Variants in AUTS2 observed in about 807,000 individuals in gnomAD.
AUTS2 encodes activator of transcription and developmental regulator AUTS2.
A neutral mutation model predicts 112.4 loss-of-function variants in AUTS2; 17 were observed. The ratio of observed to expected loss-of-function variants is 0.15; its 90% CI spans 0.10 to 0.23. The LOEUF (loss-of-function observed/expected upper bound fraction) is 0.23. AUTS2 is among the 10% of genes least tolerant of loss of function. The pLI, the probability that AUTS2 is intolerant of heterozygous loss-of-function variation, is 1.00. For synonymous variants in AUTS2, 751 were observed against 702.7 expected (o/e 1.07, Z -1.09); for missense variants, 1,510 against 1,701.6 (o/e 0.89, Z 1.98).
At chr7:70,252,013 G>T (rs922483506) in intron 4 of AUTS2, among the ~76,000 whole-genome samples, 1 of 151,666 alleles carries the variant, frequency 6.6e-6, no homozygotes, top group Admixed American at 6.6e-5. Context: ...AATAATTTAG[G>T]TTATATATTT....
intron 1 of AUTS2, among the ~76,000 whole-genome samples, chr7:69,661,650 A>G (rs1795802477): frequency 6.6e-6 from 1 of 152,202 alleles, no homozygotes; most frequent in African/African-American, 2.4e-5. Context: ...TTTTTAAAAA[A>G]ACGGACACTT....
chr7:70,514,186 C>CTAAA (rs1799320228), intron 5 of AUTS2, among the ~76,000 whole-genome samples: 1 of 152,132 alleles, frequency 6.6e-6, no homozygotes, highest in African/African-American at 2.4e-5. Flanking sequence ...ATTAATCCTC[C>CTAAA]TATTGGATAT....
At chr7:70,650,322 A>G (rs545973946) in intron 5 of AUTS2, among the ~76,000 whole-genome samples, 2 of 152,324 alleles carry the variant, frequency 1.3e-5, no homozygotes, top group South Asian at 4.2e-4. Context: ...AGCCTCCTGT[A>G]ACAGGGGAAG....
chr7:70,205,101 G>A (rs1476999970), intron 4 of AUTS2, among the ~76,000 whole-genome samples: 1 of 152,096 alleles, frequency 6.6e-6, no homozygotes, highest in Admixed American at 6.6e-5. Flanking sequence ...GGAGTGCAGT[G>A]GCATGATCAT....
intron 2 of AUTS2, among the ~76,000 whole-genome samples, chr7:70,082,816 T>C (rs1803386585): frequency 6.6e-6 from 1 of 152,226 alleles, no homozygotes; most frequent in Non-Finnish European, 1.5e-5. Flanking sequence ...TGACTTGGTC[T>C]TCTCTACTAA....
intron 2 of AUTS2, among the ~76,000 whole-genome samples, chr7:70,074,319 T>C (rs1802924133): frequency 1.3e-5 from 2 of 152,172 alleles, no homozygotes; most frequent in African/African-American, 4.8e-5. Context: ...TTCCTTCACT[T>C]TTCATTATAT....
chr7:70,404,960 C>T (rs962951511), intron 4 of AUTS2, among the ~76,000 whole-genome samples: 17 of 152,160 alleles, frequency 1.1e-4, no homozygotes, highest in Admixed American at 2.0e-4. Context: ...CTATAGATTA[C>T]GCTTGGAATC....
chr7:70,309,123 A>G (rs2129614951), intron 4 of AUTS2, among the ~76,000 whole-genome samples: 1 of 152,356 alleles, frequency 6.6e-6, no homozygotes, highest in South Asian at 2.1e-4. Flanking sequence ...TGCCCTGTAC[A>G]TACAAAGTGG....
intron 1 of AUTS2, among the ~76,000 whole-genome samples, chr7:69,837,274 T>C (rs1430628919): frequency 6.6e-6 from 1 of 152,182 alleles, no homozygotes; most frequent in Non-Finnish European, 1.5e-5. Context: ...ATGTAAGTTA[T>C]CCATGTCCCT....
chr7:69,819,464 A>G (rs1023394568), intron 1 of AUTS2, among the ~76,000 whole-genome samples: 3 of 152,138 alleles, frequency 2.0e-5, no homozygotes, highest in African/African-American at 4.8e-5. Context: ...GTCAACCTCT[A>G]TTGTCCTCCT....
intron 4 of AUTS2, among the ~76,000 whole-genome samples, chr7:70,146,224 G>T (rs1193042979): frequency 1.3e-5 from 2 of 151,840 alleles, no homozygotes; most frequent in Non-Finnish European, 2.9e-5. Flanking sequence ...TGTGACCCTC[G>T]TTCAATGTTC....
chr7:70,770,563 T>A (rs1028164574), intron 10 of AUTS2, among the ~76,000 whole-genome samples: 1 of 152,220 alleles, frequency 6.6e-6, no homozygotes, highest in African/African-American at 2.4e-5. Flanking sequence ...GGAGGGAAAG[T>A]TGTGTTTGCA....
chr7:70,784,755 A>C (rs966617196), intron 15 of AUTS2, 187 bp from the exon 16 acceptor site: 19 of 375,094 alleles, frequency 5.1e-5, no homozygotes, highest in African/African-American at 3.0e-4. Flanking sequence ...AAAAAAAAAA[A>C]AAAAAAAAAA....
At chr7:70,500,445 A>G (rs1798726415) in intron 5 of AUTS2, among the ~76,000 whole-genome samples, 2 of 152,224 alleles carry the variant, frequency 1.3e-5, no homozygotes, top group Admixed American at 1.3e-4. Context: ...GAATGTGGAA[A>G]GGAGAGGCAA....
intron 6 of AUTS2, among the ~76,000 whole-genome samples, chr7:70,716,777 G>A (rs13227868): frequency 0.22 from 32,985 of 151,920 alleles, 4,307 homozygotes; most frequent in Middle Eastern, 0.33. Flanking sequence ...CTTGAGGAGA[G>A]GTTCAGTATA....
chr7:69,713,067 T>G (rs1475361359), intron 1 of AUTS2, among the ~76,000 whole-genome samples: 1 of 152,196 alleles, frequency 6.6e-6, no homozygotes, highest in African/African-American at 2.4e-5. Context: ...ACCTTAGTTG[T>G]TTGTTTTCTT....
intron 4 of AUTS2, among the ~76,000 whole-genome samples, chr7:70,282,808 C>T (rs756321005): frequency 1.3e-5 from 2 of 152,108 alleles, no homozygotes; most frequent in East Asian, 1.9e-4. Flanking sequence ...GAAGGAATGG[C>T]GGACTGAGCA....
chr7:70,373,553 A>G (rs1792941643), intron 4 of AUTS2, among the ~76,000 whole-genome samples: 1 of 152,094 alleles, frequency 6.6e-6, no homozygotes, highest in East Asian at 1.9e-4. Context: ...TCTGCTCTCA[A>G]AATAATCTAG....
At chr7:69,757,443 A>G (rs1309788709) in intron 1 of AUTS2, among the ~76,000 whole-genome samples, 1 of 152,144 alleles carries the variant, frequency 6.6e-6, no homozygotes, top group Non-Finnish European at 1.5e-5. Context: ...GTTTAACCTG[A>G]TATGTAAGAT....
Sources: allele counts gnomAD v4.1 joint callset (sites outside exome capture counted in the v4.1 genomes callset), GRCh38; gene constraint gnomAD v4.1.1; transcripts MANE v1.5; gene names NCBI Gene and HGNC (gene_info 2026-07-23, HGNC 2026-07-21).